Variants in ATP13A4 observed in about 807,000 individuals in gnomAD.
ATP13A4 encodes ATPase 13A4.
Under a neutral mutation model 142.5 loss-of-function variants are expected in ATP13A4, and 114 were observed. The observed-to-expected ratio is 0.80, with a 90% CI of 0.69 to 0.93. The LOEUF (loss-of-function observed/expected upper bound fraction) is 0.93. Among genes scored for constraint, ATP13A4 ranks in the 40% least tolerant of loss-of-function variants. ATP13A4 has a pLI of 0.00. For synonymous variants in ATP13A4, 488 were observed against 514.8 expected, an observed-to-expected ratio of 0.95 and a Z score of 0.70; for missense variants, 1,392 against 1,454.0, an observed-to-expected ratio of 0.96 and a Z score of 0.69.
At chr3:193,461,676 C>A (rs1369085197) in intron 13 of ATP13A4, among the ~76,000 whole-genome samples, 2 of 152,074 alleles carry the variant, frequency 1.3e-5, no homozygotes, top group Non-Finnish European at 2.9e-5. Context: ...CCACAAAGAA[C>A]CTTTCATGTA....
At chr3:193,479,984 C>T (rs1719195923) in intron 8 of ATP13A4, among the ~76,000 whole-genome samples, 1 of 152,148 alleles carries the variant, frequency 6.6e-6, no homozygotes, top group African/African-American at 2.4e-5. Flanking sequence ...GCCAACTGAT[C>T]TTTGACAAAG....
Position 193,503,642 on chromosome 3 carries a change from G to A in ATP13A4, c.235-1003C>T, listed in dbSNP as rs78786987. Among the ~76,000 whole-genome samples, 802 of 152,238 alleles carry A rather than the reference G, an allele frequency of 5.3e-3. 14 individuals are homozygous for A. In the East Asian group the frequency reaches 0.069, roughly 13 times the overall value. On this transcript the variant is annotated intron_variant, in intron 2 of 29. Transcript: ENST00000342695. ...GCTGACTCTGCAAAAGGCAGAGAGGGGAAGATACAATCATTGTAGCTAATC... is the reference window on the plus strand; with the variant it reads ...GCTGACTCTGCAAAAGGCAGAGAGGAGAAGATACAATCATTGTAGCTAATC...
intron 3 of ATP13A4, among the ~76,000 whole-genome samples, chr3:193,497,151 A>G (rs771066929): frequency 7.2e-5 from 11 of 152,224 alleles, no homozygotes; most frequent in Non-Finnish European, 1.3e-4. Flanking sequence ...AATGGAAGAA[A>G]ATATTTGCGA....
intron 1 of ATP13A4, among the ~76,000 whole-genome samples, chr3:193,519,360 C>G (rs145085131): frequency 1.3e-3 from 192 of 152,270 alleles, no homozygotes; most frequent in African/African-American, 4.4e-3. Flanking sequence ...GATCTACCAC[C>G]TGCCTTCCTC....
Position 193,401,697 on chromosome 3 carries a change from A to G in ATP13A4, c.*955T>C, listed in dbSNP as rs1714266603. Among the ~76,000 whole-genome samples the G allele has an allele frequency of 6.6e-6, 1 of 152,206 alleles. No homozygotes were observed. Among genetic ancestry groups the G allele is most frequent in the Non-Finnish European group, 1.5e-5 (1 of 68,032 alleles). ...AATGAAAATATGGGGACCCCTGTTC[A>G]AAAATTAAGAATTTTAAGATGGAAA... is the stretch of plus-strand genomic sequence containing the variant. On this transcript the variant is annotated 3_prime_UTR_variant, in exon 30 of 30. Coordinates refer to ENST00000342695, the MANE Select transcript of ATP13A4 (RefSeq NM_032279.4).
intron 18 of ATP13A4, among the ~76,000 whole-genome samples, chr3:193,443,227 G>A (rs563803889): frequency 3.3e-5 from 5 of 152,264 alleles, no homozygotes; most frequent in African/African-American, 1.2e-4. Flanking sequence ...GCGGAATCCT[G>A]GAAAGGAGAG....
intron 1 of ATP13A4, among the ~76,000 whole-genome samples, chr3:193,521,893 A>G (rs966566161): frequency 6.6e-6 from 1 of 152,078 alleles, no homozygotes; most frequent in Non-Finnish European, 1.5e-5. Flanking sequence ...AGATGGTGCC[A>G]CTGCACTCCA....
Position 193,401,771 on chromosome 3 carries a change from T to C in ATP13A4, c.*881A>G, listed in dbSNP as rs1028289601. 6.6e-6 allele frequency among the ~76,000 whole-genome samples: 1 copy of C among 152,214 alleles called. No individual in the cohort carries two copies. Among genetic ancestry groups the C allele is most frequent in the Non-Finnish European group, 1.5e-5 (1 of 68,030 alleles). ...TGGGGACCTTCTAAGCATGGGGCCC[T>C]GTGTAGTGACAGCTCATAAGCCCAT... On this transcript the variant is annotated 3_prime_UTR_variant, in exon 30 of 30. Transcript: ENST00000342695.
chr3:193,422,532 T>C (rs75311117), intron 25 of ATP13A4, among the ~76,000 whole-genome samples: 5,632 of 149,716 alleles, frequency 0.038, 470 homozygotes, highest in East Asian at 0.21. Flanking sequence ...TCAAGTATTG[T>C]TTCTAACCAC....
At chr3:193,571,936 A>G (rs1241509764) in intron 2 of ATP13A4, among the ~76,000 whole-genome samples, 1 of 152,202 alleles carries the variant, frequency 6.6e-6, no homozygotes, top group East Asian at 1.9e-4. Flanking sequence ...AGTTAATACT[A>G]ACACATCAGT....
rs1560169509 is a variant in ATP13A4, at chr3:193,412,183, G to A, written c.3203C>T (p.Thr1068Ile). The A allele has an allele frequency of 1.9e-6, 3 of 1,600,784 alleles. No homozygotes were observed. Among genetic ancestry groups the A allele is most frequent in the Non-Finnish European group, 2.6e-6 (3 of 1,167,896 alleles). Residue 1068 changes from threonine to isoleucine, a missense_variant, in exon 27 of 30, where the codon ACA (threonine) becomes ATA (isoleucine). Transcript: ENST00000342695. Reference protein sequence around the residue: ...KGKPFRQPTYTNYIFVLVLII... With the variant: ...KGKPFRQPTYINYIFVLVLII... ...TGCAGTACAGTTCTACTCACAGTTT[G>A]TATAAGTTGGCTGTCTAAATGGTTT...
intron 2 of ATP13A4, among the ~76,000 whole-genome samples, chr3:193,569,768 C>T (rs2108740596): frequency 6.6e-6 from 1 of 152,154 alleles, no homozygotes; most frequent in African/African-American, 2.4e-5. Flanking sequence ...CTCCTGAGCT[C>T]AAGCAATCCT....
chr3:193,445,644 C>G lies in ATP13A4; in HGVS notation c.2152+2562G>C, dbSNP rs185169628. ...TGGTGGTGCACACCTGTAGTCCCAG[C>G]TACTCGGGAGGCTGAAGCAGGAGAA... On this transcript the variant is annotated intron_variant, in intron 18 of 29. Transcript: ENST00000342695. 5.4e-4 allele frequency among the ~76,000 whole-genome samples: 82 copies of G among 152,092 alleles called. 1 individual carries two copies. In the East Asian group the frequency reaches 0.015, roughly 29 times the overall value.
intron 7 of ATP13A4, 128 bp downstream of exon 7, chr3:193,489,601 AT>A: frequency 2.1e-6 from 2 of 942,484 alleles, no homozygotes; most frequent in Non-Finnish European, 3.3e-6. Flanking sequence ...TGTGCTAGGT[AT>A]TTACAAACTT....
chr3:193,509,884 A>T (rs1226055887), intron 2 of ATP13A4, among the ~76,000 whole-genome samples: 1 of 152,248 alleles, frequency 6.6e-6, no homozygotes, highest in Non-Finnish European at 1.5e-5. Context: ...CTCTGTAAGG[A>T]CAAGGATTTC....
In ATP13A4 at chr3:193,582,704, T is replaced by TAATATATATGTATATTACATATATAA. The variant is rs1467017012; in HGVS notation, n.92-824_92-799dup. 1.7e-4 allele frequency among the ~76,000 whole-genome samples: 10 copies of TAATATATATGTATATTACATATATAA among 57,704 alleles called. 5 individuals carry two copies. Among genetic ancestry groups the TAATATATATGTATATTACATATATAA allele is most frequent in the Non-Finnish European group, 2.9e-4 (10 of 34,002 alleles). The allele number at this position is 57,704 out of a possible 152,430, so 37.9% of individuals were successfully genotyped here. On this transcript the variant is annotated intron_variant and non_coding_transcript_variant, in intron 1 of 3. Transcript: ENST00000489140. ...ATATTATATATGTGTATAACATATATAATATATATGTATATTACATATATA... is the reference window on the plus strand; with the variant it reads ...ATATTATATATGTGTATAACATATATAATATATATGTATATTACATATATAAAATATATATGTATATTACATATATA...
chr3:193,441,410 T>C lies in ATP13A4; in HGVS notation c.2439+56A>G. 2.5e-6 allele frequency: 4 copies of C among 1,601,136 alleles called. No homozygotes were observed. The South Asian group carries it at 3.3e-5, about 13-fold the overall frequency. Reference sequence around the variant, plus strand: ...TTTGAAATAATTTAGGACCATGTTCTGTAAGTGACATCATCAGCATTTTCA... The same window carrying C: ...TTTGAAATAATTTAGGACCATGTTCCGTAAGTGACATCATCAGCATTTTCA... On this transcript the variant is annotated intron_variant, in intron 20 of 29. Transcript: ENST00000342695.
At chr3:193,410,858 G>T in intron 28 of ATP13A4, 124 bp downstream of exon 28, 1 of 662,962 alleles carries the variant, frequency 1.5e-6, no homozygotes. Flanking sequence ...ATTTTTTTTA[G>T]CTCTGCCATC....
At chr3:193,543,151 G>C (rs1374276599) in intron 1 of ATP13A4, among the ~76,000 whole-genome samples, 1 of 139,302 alleles carries the variant, frequency 7.2e-6, no homozygotes, top group Non-Finnish European at 1.6e-5. Flanking sequence ...CTGGGCAACA[G>C]AGCAAGACTC....
Sources: gnomAD v4.1 joint callset for allele counts (sites outside exome capture counted in the v4.1 genomes callset) on GRCh38, gnomAD v4.1.1 for gene constraint, MANE v1.5 for transcripts, NCBI Gene and HGNC (gene_info 2026-07-23, HGNC 2026-07-21) for gene names.